THSD7B: variants seen among roughly 807,000 people sequenced by gnomAD.
The protein encoded by THSD7B is thrombospondin type-1 domain-containing protein 7B.
THSD7B carries 138 observed loss-of-function variants against 213.6 expected under a neutral mutation model. The observed-to-expected ratio is 0.65, with a 90% confidence interval of 0.56 to 0.74. The LOEUF (loss-of-function observed/expected upper bound fraction) is 0.74, where lower values mean the gene tolerates loss of function less well. Ranked by LOEUF, THSD7B falls within the 30% of genes least tolerant of loss-of-function variation. The pLI is 0.00. For missense variants in THSD7B, 1,931 were observed against 1,991.5 expected, an observed-to-expected ratio of 0.97 and a Z score of 0.58; for synonymous variants, 742 against 687.0, an observed-to-expected ratio of 1.08 and a Z score of -1.25.
chr2:137,590,791 A>ATTTTTTTTTTTTTTTTT (rs1573730097), intron 17 of THSD7B, among the ~76,000 whole-genome samples: 8 of 96,932 alleles, frequency 8.3e-5, no homozygotes, highest in East Asian at 3.1e-4. Context: ...GCTTTGAAAT[A>ATTTTTTTTTTTTTTTTT]GTTTTTTTTT....
chr2:137,669,012 A>G (rs1441195509), intron 27 of THSD7B, among the ~76,000 whole-genome samples: 1 of 152,166 alleles, frequency 6.6e-6, no homozygotes, highest in Non-Finnish European at 1.5e-5. Context: ...GGTCAACTGT[A>G]GATTTTAATG....
intron 2 of THSD7B, among the ~76,000 whole-genome samples, chr2:136,909,509 A>G (rs1684223202): frequency 6.6e-6 from 1 of 152,196 alleles, no homozygotes; most frequent in Non-Finnish European, 1.5e-5. Flanking sequence ...TTGTGATTCC[A>G]GAGTCTTGGT....
At chr2:137,058,917 G>C (rs540362535) in intron 3 of THSD7B, among the ~76,000 whole-genome samples, 2 of 152,160 alleles carry the variant, frequency 1.3e-5, no homozygotes, top group Admixed American at 6.5e-5. Flanking sequence ...CTAGAACTGT[G>C]AGAAATAGAT....
At chr2:137,269,696 ATAAT>A (rs1682689517) in intron 10 of THSD7B, among the ~76,000 whole-genome samples, 3 of 152,330 alleles carry the variant, frequency 2.0e-5, no homozygotes, top group Admixed American at 2.0e-4. Context: ...TCCTAAAGGC[ATAAT>A]TATTTACAAA....
intron 2 of THSD7B, among the ~76,000 whole-genome samples, chr2:137,040,571 T>C (rs1686864237): frequency 6.6e-6 from 1 of 152,042 alleles, no homozygotes; most frequent in Non-Finnish European, 1.5e-5. Flanking sequence ...TTTTTTGTAT[T>C]TTTAGTAGAG....
At chr2:136,995,968 T>C (rs1303987701) in intron 2 of THSD7B, among the ~76,000 whole-genome samples, 1 of 152,226 alleles carries the variant, frequency 6.6e-6, no homozygotes, top group Non-Finnish European at 1.5e-5. Flanking sequence ...TCTCACTACT[T>C]GATCCACTTG....
At chr2:136,935,080 A>G (rs940497087) in intron 2 of THSD7B, among the ~76,000 whole-genome samples, 15 of 152,222 alleles carry the variant, frequency 9.9e-5, no homozygotes, top group African/African-American at 3.4e-4. Context: ...GAATAGGATC[A>G]TGGATTCAAA....
In THSD7B at chr2:137,642,642, T is replaced by A. The variant is rs777396798; in HGVS notation, c.3945+9T>A. On this transcript the variant is annotated intron_variant, in intron 21 of 27. Transcript: ENST00000409968. Reference sequence around the variant, plus strand: ...CTGCATGTAAATTGGAGGTAGGTCATGTAATGACAGTTAGAGAAATATTCA... The same window carrying A: ...CTGCATGTAAATTGGAGGTAGGTCAAGTAATGACAGTTAGAGAAATATTCA... 6.2e-7 allele frequency: 1 copy of A among 1,612,912 alleles called. No individual in the cohort carries two copies. The highest frequency in any genetic ancestry group is 8.5e-7 in the Non-Finnish European group (1 of 1,179,560).
intron 20 of THSD7B, among the ~76,000 whole-genome samples, chr2:137,636,829 C>T (rs1401631088): frequency 6.6e-6 from 1 of 152,134 alleles, no homozygotes; most frequent in African/African-American, 2.4e-5. Flanking sequence ...CTCTCTCCAC[C>T]ATATATCAGG....
intron 2 of THSD7B, among the ~76,000 whole-genome samples, chr2:137,009,179 C>T (rs1686176841): frequency 6.6e-6 from 1 of 152,130 alleles, no homozygotes. Context: ...GTGACTCTTT[C>T]AGGAGTTGCT....
intron 6 of THSD7B, 107 bp downstream of exon 6, chr2:137,160,475 A>C (rs1053443726): frequency 7.1e-7 from 1 of 1,405,002 alleles, no homozygotes; most frequent in Non-Finnish European, 9.6e-7. Flanking sequence ...TGTTTGTAAA[A>C]TTTAGATAAC....
intron 1 of THSD7B, among the ~76,000 whole-genome samples, chr2:136,816,590 C>T (rs1164165745): frequency 6.6e-6 from 1 of 152,148 alleles, no homozygotes; most frequent in African/African-American, 2.4e-5. Context: ...CAAACTTCAT[C>T]CTTGGTTACA....
intron 1 of THSD7B, among the ~76,000 whole-genome samples, chr2:136,838,560 G>A (rs1174730520): frequency 4.6e-5 from 7 of 152,130 alleles, no homozygotes; most frequent in African/African-American, 7.2e-5. Context: ...GGTTAAACAA[G>A]TTATATTTTG....
At chr2:137,218,954 G>C (rs577332023) in intron 7 of THSD7B, among the ~76,000 whole-genome samples, 22 of 149,026 alleles carry the variant, frequency 1.5e-4, no homozygotes, top group African/African-American at 3.7e-4. Context: ...CTGTGGTATT[G>C]TCATACTTTT....
intron 26 of THSD7B, among the ~76,000 whole-genome samples, chr2:137,664,442 T>C (rs1056698461): frequency 1.3e-5 from 2 of 152,186 alleles, no homozygotes; most frequent in African/African-American, 4.8e-5. Flanking sequence ...TCTAGTGGTA[T>C]TTATCCTGCA....
chr2:137,051,365 T>G (rs1221214291), intron 2 of THSD7B, among the ~76,000 whole-genome samples: 3 of 152,218 alleles, frequency 2.0e-5, no homozygotes, highest in African/African-American at 7.2e-5. Context: ...TTCTCATTGC[T>G]TGGGTTCTTA....
At chr2:137,244,041 C>T (rs377382100) in intron 10 of THSD7B, among the ~76,000 whole-genome samples, 3 of 152,208 alleles carry the variant, frequency 2.0e-5, no homozygotes, top group East Asian at 3.9e-4. Context: ...ACTGGATGAA[C>T]AGGGTTTGTT....
At chr2:137,563,462 A>G in intron 16 of THSD7B, 108 bp downstream of exon 16, 1 of 1,384,268 alleles carries the variant, frequency 7.2e-7, no homozygotes, top group Non-Finnish European at 9.8e-7. Flanking sequence ...TTCATAACAT[A>G]TACTCTGGTT....
chr2:137,671,128 C>T (rs1683563020), intron 27 of THSD7B, among the ~76,000 whole-genome samples: 1 of 151,698 alleles, frequency 6.6e-6, no homozygotes, highest in African/African-American at 2.4e-5. Context: ...TTCTTTGGAT[C>T]TCTTTGTGCT....
Sources: allele counts gnomAD v4.1 joint callset (sites outside exome capture counted in the v4.1 genomes callset), GRCh38; gene constraint gnomAD v4.1.1; transcripts MANE v1.5; gene names NCBI Gene and HGNC (gene_info 2026-07-23, HGNC 2026-07-21).